Variants in GSDMC observed in about 807,000 individuals in gnomAD.
The protein encoded by GSDMC is gasdermin C, also known as gasdermin-C.
In GSDMC, 59 loss-of-function variants were observed where a neutral mutation model predicts 58.0. The observed-to-expected ratio is 1.02, with a 90% CI of 0.82 to 1.26. GSDMC has a LOEUF of 1.26. Among genes scored for constraint, GSDMC ranks in the 50% most tolerant of loss-of-function variants. The pLI, the probability that GSDMC is intolerant of heterozygous loss-of-function variation, is 0.00. For missense variants in GSDMC, 659 were observed against 598.5 expected, an observed-to-expected ratio of 1.10 and a Z score of -1.06; for synonymous variants, 241 against 220.2, an observed-to-expected ratio of 1.09 and a Z score of -0.83.
chr8:129,706,434 C>A, the GSDMC span: 1 of 152,208 alleles, frequency 6.6e-6, no homozygotes, highest in South Asian at 2.1e-4. Context: ...ACATCACTCT[C>A]TTTTCCTCAC....
chr8:129,777,280 T>C lies in GSDMC; in HGVS notation c.220+88A>G, dbSNP rs562339084. ...CTAATCCTGAGAGCTCCTTTCTGTG[T>C]GCTCAGTTATCTTTGGATGGTGGGC... On this transcript the variant is annotated intron_variant, in intron 2 of 13. Coordinates refer to ENST00000276708, the MANE Select transcript of GSDMC (RefSeq NM_031415.3). 309 of 777,726 alleles carry C rather than the reference T, an allele frequency of 4.0e-4. 3 individuals are homozygous for C. The African/African-American group carries it at 5.0e-3, about 13-fold the overall frequency. The allele number at this position is 777,726 out of a possible 1,614,324, so 48.2% of individuals were successfully genotyped here. A position where few individuals can be genotyped will look rare whatever the true frequency, so the allele number is the denominator to read the frequency against.
chr8:129,760,906 A>G lies in GSDMC; in HGVS notation c.677-317T>C, dbSNP rs556909024. On this transcript the variant is annotated intron_variant, in intron 5 of 13. Transcript: ENST00000276708. ...TGATCTGCCTTACTTACCACTCTCA[A>G]TTTGGCATCTTCTTGGATGATTTCA... Among the ~76,000 whole-genome samples the G allele has an allele frequency of 4.3e-3, 651 of 152,218 alleles. 9 individuals carry two copies. Among genetic ancestry groups the G allele is most frequent in the African/African-American group, 0.015 (615 of 41,526 alleles).
At chr8:129,730,115 T>C in the GSDMC span, 39 of 974,194 alleles carry the variant, frequency 4.0e-5, no homozygotes, top group Non-Finnish European at 1.5e-6. Context: ...TTCAGGTGTT[T>C]CTGAATGCCA....
chr8:129,749,936 G>C, intron 12 of GSDMC, 54 bp downstream of exon 12: 2 of 1,477,058 alleles, frequency 1.4e-6, no homozygotes, highest in South Asian at 2.7e-5. Flanking sequence ...GCTTTTTGCG[G>C]GTCCTGGGGA....
intron 1 of GSDMC, among the ~76,000 whole-genome samples, chr8:129,781,245 A>C (rs529086113): frequency 7.5e-4 from 115 of 152,340 alleles, no homozygotes; most frequent in Admixed American, 1.1e-3. Flanking sequence ...TGGTTGAATT[A>C]ATTAAAAAAA....
At chr8:129,721,926 T>A in the GSDMC span, among the ~76,000 whole-genome samples, 1 of 152,112 alleles carries the variant, frequency 6.6e-6, no homozygotes, top group Non-Finnish European at 1.5e-5. Context: ...AGAGTGGGGG[T>A]TAGATTAGCC....
At chr8:129,766,346 G>A (rs972571820) in intron 3 of GSDMC, among the ~76,000 whole-genome samples, 2 of 152,296 alleles carry the variant, frequency 1.3e-5, no homozygotes, top group Admixed American at 1.3e-4. Context: ...AGGGATATAT[G>A]AATGGTTTGA....
At chr8:129,747,590 G>A (rs2032995774), downstream of GSDMC, among the ~76,000 whole-genome samples, 1 of 152,188 alleles carries the variant, frequency 6.6e-6, no homozygotes, top group South Asian at 2.1e-4. Context: ...TAGATGACAG[G>A]GAGCATCTAA....
In GSDMC at chr8:129,760,548, C is replaced by G. The variant is rs759730605; in HGVS notation, c.718G>C (p.Asp240His). The G allele has an allele frequency of 6.3e-7, 1 of 1,589,808 alleles. No homozygotes were observed. The highest frequency in any genetic ancestry group is 8.6e-7 in the Non-Finnish European group (1 of 1,159,012). Residue 240 changes from aspartate to histidine, a missense_variant, in exon 6 of 14, where the codon GAT (aspartate) becomes CAT (histidine). Asp to His is a moderately conservative substitution (Grantham distance 81, BLOSUM62 -1). Transcript: ENST00000276708. Reference protein sequence around the residue: ...SDDDEQRTFQDEYEISEMVGY... With the variant: ...SDDDEQRTFQHEYEISEMVGY... ...AAGACCAGGCTTTGGAACTCACCAT[C>G]TTGAAAGGTTCTCTGTTCATCATCA...
the GSDMC span, among the ~76,000 whole-genome samples, chr8:129,717,081 T>A: frequency 6.6e-6 from 1 of 152,100 alleles, no homozygotes; most frequent in African/African-American, 2.4e-5. Flanking sequence ...AAATTTTTTG[T>A]TGTTGTTGTG....
chr8:129,728,569 C>T, the GSDMC span, among the ~76,000 whole-genome samples: 5 of 152,202 alleles, frequency 3.3e-5, no homozygotes, highest in Non-Finnish European at 5.9e-5. Flanking sequence ...AGCACCACCT[C>T]CCCCCAGGGG....
In GSDMC at chr8:129,757,896, T is replaced by C. The variant is rs138834784; in HGVS notation, c.721+2649A>G. ...AGTCCTAGCTACTTGGGGGCTGAGG[T>C]GGGAGGATCATTTGAGTATGTGAGG... On this transcript the variant is annotated intron_variant, in intron 6 of 13. Transcript: ENST00000276708. Among the ~76,000 whole-genome samples the C allele has an allele frequency of 2.8e-3, 424 of 151,990 alleles. 5 individuals carry two copies. Among genetic ancestry groups the C allele is most frequent in the African/African-American group, 8.8e-3 (364 of 41,444 alleles).
At chr8:129,722,947 A>C in the GSDMC span, 1 of 152,218 alleles carries the variant, frequency 6.6e-6, no homozygotes, top group East Asian at 1.9e-4. Context: ...AAAACTGTAG[A>C]ATGTTCACAA....
chr8:129,738,002 G>T, the GSDMC span, among the ~76,000 whole-genome samples: 1 of 152,170 alleles, frequency 6.6e-6, no homozygotes, highest in South Asian at 2.1e-4. Flanking sequence ...AGTGGGCAAA[G>T]GATATGAACA....
chr8:129,780,439 T>C (rs1271283955), intron 1 of GSDMC, among the ~76,000 whole-genome samples: 6 of 152,078 alleles, frequency 3.9e-5, no homozygotes, highest in Admixed American at 2.0e-4. Flanking sequence ...ATACGTCTAG[T>C]AGCAGACTTT....
At chr8:129,720,661 T>C in the GSDMC span, among the ~76,000 whole-genome samples, 17 of 152,214 alleles carry the variant, frequency 1.1e-4, no homozygotes, top group African/African-American at 4.1e-4. Context: ...AGATTTGCAA[T>C]AGTAATGTCA....
the GSDMC span, among the ~76,000 whole-genome samples, chr8:129,723,615 A>G: frequency 1.3e-5 from 2 of 152,056 alleles, no homozygotes; most frequent in Non-Finnish European, 2.9e-5. Flanking sequence ...TTTTAATGCC[A>G]TTGATCAACT....
At chr8:129,711,036 A>G in the GSDMC span, among the ~76,000 whole-genome samples, 19,073 of 152,170 alleles carry the variant, frequency 0.13, 2,069 homozygotes, top group African/African-American at 0.29. Context: ...TCTAGGACGG[A>G]TGCCTTTGCT....
intron 4 of GSDMC, among the ~76,000 whole-genome samples, chr8:129,764,023 A>G (rs1384331859): frequency 6.6e-6 from 1 of 152,226 alleles, no homozygotes; most frequent in Non-Finnish European, 1.5e-5. Flanking sequence ...AGAGCTATAA[A>G]TATCCTTTTT....
Sources: gnomAD v4.1 joint callset for allele counts (sites outside exome capture counted in the v4.1 genomes callset) on GRCh38, gnomAD v4.1.1 for gene constraint, MANE v1.5 for transcripts, NCBI Gene and HGNC (gene_info 2026-07-23, HGNC 2026-07-21) for gene names.